ATP10D: variants seen among roughly 807,000 people sequenced by gnomAD.
ATP10D encodes ATPase phospholipid transporting 10D (putative).
A neutral mutation model predicts 144.8 loss-of-function variants in ATP10D; 89 were observed. The ratio of observed to expected loss-of-function variants is 0.61; its 90% CI spans 0.52 to 0.73. The LOEUF (loss-of-function observed/expected upper bound fraction) is 0.73. ATP10D is among the 30% of genes least tolerant of loss of function. The pLI is 0.00. For missense variants in ATP10D, 1,603 were observed against 1,714.8 expected, an observed-to-expected ratio of 0.93 and a Z score of 1.15; for synonymous variants, 571 against 615.1, an observed-to-expected ratio of 0.93 and a Z score of 1.06.
At chr4:47,582,251 A>G (rs1045457971) in intron 21 of ATP10D, among the ~76,000 whole-genome samples, 187 bp downstream of exon 21, 2 of 152,270 alleles carry the variant, frequency 1.3e-5, no homozygotes, top group African/African-American at 4.8e-5. Context: ...GTAGCTGGGG[A>G]TAGTGGAAAA....
intron 1 of ATP10D, among the ~76,000 whole-genome samples, chr4:47,503,327 G>A (rs187334517): frequency 1.4e-4 from 21 of 152,264 alleles, no homozygotes; most frequent in East Asian, 5.8e-4. Context: ...TTTCCCCAAC[G>A]TCAACCACAG....
chr4:47,562,454 T>C (rs1458485310), intron 14 of ATP10D, among the ~76,000 whole-genome samples: 1 of 152,136 alleles, frequency 6.6e-6, no homozygotes, highest in East Asian at 1.9e-4. Context: ...ACATCACTAG[T>C]TATCAGATGC....
intron 1 of ATP10D, among the ~76,000 whole-genome samples, chr4:47,487,157 A>T (rs1714806983): frequency 1.4e-5 from 2 of 141,296 alleles, no homozygotes; most frequent in Non-Finnish European, 3.0e-5. Context: ...TGAGCCCGGG[A>T]GGCGGAGGTT....
In ATP10D at chr4:47,536,925, C is replaced by T; in HGVS notation, c.1383C>T (p.Cys461=). Residue 461 remains cysteine (C), a synonymous_variant, in exon 9 of 23, where the codon TGC becomes TGT. Transcript: ENST00000273859. The part of the protein sequence containing the change: ...RRCSVAGFDY[C]HEENARRLES... Reference sequence around the variant, plus strand: ...GTAGTGTGGCAGGATTTGATTACTGCCATGAAGAAAATGGTGAGTGTTGGA... The same window carrying T: ...GTAGTGTGGCAGGATTTGATTACTGTCATGAAGAAAATGGTGAGTGTTGGA... The T allele has an allele frequency of 3.1e-6, 5 of 1,606,844 alleles. No homozygotes were observed. Among genetic ancestry groups the T allele is most frequent in the Non-Finnish European group, 4.2e-6 (5 of 1,177,534 alleles).
At chr4:47,560,832 C>A in intron 13 of ATP10D, 117 bp from the exon 14 acceptor site, 1 of 1,298,568 alleles carries the variant, frequency 7.7e-7, no homozygotes. Context: ...TGGCTGTGCC[C>A]AGAGGGAGGA....
In ATP10D at chr4:47,546,642, A is replaced by T. The variant is rs551719524; in HGVS notation, c.1415A>T (p.Tyr472Phe). Residue 472 changes from tyrosine (Y) to phenylalanine (F), a missense_variant, in exon 10 of 23, where the codon TAT becomes TTT. Coordinates refer to ENST00000273859, the MANE Select transcript of ATP10D (RefSeq NM_020453.4). ...HEENARRLES[Y>F]QEAVSEDEDF... The stretch of plus-strand genomic sequence containing the variant: ...CCCACAGCCAGGAGGTTGGAGTCCT[A>T]TCAGGAAGCTGTCTCTGAAGATGAA... The T allele has an allele frequency of 5.2e-5, 84 of 1,614,102 alleles. No homozygotes were observed. The highest frequency in any genetic ancestry group is 4.8e-4 in the South Asian group (44 of 91,074).
chr4:47,549,847 T>C (rs1450104116), intron 10 of ATP10D, among the ~76,000 whole-genome samples: 1 of 152,016 alleles, frequency 6.6e-6, no homozygotes, highest in Non-Finnish European at 1.5e-5. Context: ...GAAAGGCATT[T>C]GGAGCTGACA....
intron 15 of ATP10D, among the ~76,000 whole-genome samples, chr4:47,565,531 C>T (rs574422024): frequency 1.3e-5 from 2 of 152,292 alleles, no homozygotes; most frequent in Admixed American, 1.3e-4. Flanking sequence ...TAGGGAGTTA[C>T]TTACCCTCCT....
At chr4:47,498,216 CTT>C (rs1354645366) in intron 1 of ATP10D, among the ~76,000 whole-genome samples, 1 of 152,240 alleles carries the variant, frequency 6.6e-6, no homozygotes, top group Non-Finnish European at 1.5e-5. Flanking sequence ...TTACCTCTCT[CTT>C]GGACAAATGT....
rs776852679 is a variant in ATP10D at position 47,568,915 on chromosome 4, T to C, written c.2932T>C (p.Leu978=). Residue 978 remains leucine, a synonymous_variant, in exon 16 of 23, where the codon TTA becomes CTA. Transcript: ENST00000273859. ...KTQALPEQVS[L]SEDLLQPPVP... ...TCAAGCCCTGCCAGAGCAAGTGTCA[T>C]TAAGTGAAGATTTACTTCAGCCTCC... 2.5e-6 allele frequency: 4 copies of C among 1,614,152 alleles called. No individual in the cohort carries two copies. The highest frequency in any genetic ancestry group is 3.4e-6 in the Non-Finnish European group (4 of 1,180,026).
chr4:47,584,975 A>C (rs1215050015), intron 21 of ATP10D, among the ~76,000 whole-genome samples: 1 of 152,318 alleles, frequency 6.6e-6, no homozygotes, highest in East Asian at 1.9e-4. Flanking sequence ...AAAATAAAAG[A>C]GATTAATAAA....
At chr4:47,568,386 A>G (rs1430886696) in intron 15 of ATP10D, among the ~76,000 whole-genome samples, 1 of 152,248 alleles carries the variant, frequency 6.6e-6, no homozygotes, top group African/African-American at 2.4e-5. Flanking sequence ...GCCATGTGTC[A>G]TGCCTTACAC....
chr4:47,525,720 T>C (rs916328528), intron 5 of ATP10D, 78 bp downstream of exon 5: 24 of 1,199,204 alleles, frequency 2.0e-5, no homozygotes. Context: ...ATAAAGTGTT[T>C]CTGTGCTTAT....
chr4:47,487,523 A>G (rs1022121647), intron 1 of ATP10D, among the ~76,000 whole-genome samples: 1 of 152,238 alleles, frequency 6.6e-6, no homozygotes, highest in African/African-American at 2.4e-5. Flanking sequence ...TCACAGAACA[A>G]TGCACTGATA....
At chr4:47,579,740 A>G (rs1720417429) in intron 19 of ATP10D, among the ~76,000 whole-genome samples, 1 of 152,250 alleles carries the variant, frequency 6.6e-6, no homozygotes, top group Non-Finnish European at 1.5e-5. Flanking sequence ...CTTATAGGTC[A>G]TGAGAAGAAA....
At chr4:47,494,673 A>G (rs1240837076) in intron 1 of ATP10D, among the ~76,000 whole-genome samples, 2 of 151,838 alleles carry the variant, frequency 1.3e-5, no homozygotes, top group African/African-American at 4.8e-5. Flanking sequence ...CTTAATTAGG[A>G]ATTGAAAATT....
chr4:47,500,909 G>T (rs1715649193), intron 1 of ATP10D, among the ~76,000 whole-genome samples: 1 of 152,160 alleles, frequency 6.6e-6, no homozygotes, highest in Non-Finnish European at 1.5e-5. Flanking sequence ...TACATGGCGT[G>T]GAAATGCAGT....
At chr4:47,504,689 A>G (rs1215766862) in intron 1 of ATP10D, among the ~76,000 whole-genome samples, 1 of 152,126 alleles carries the variant, frequency 6.6e-6, no homozygotes, top group South Asian at 2.1e-4. Context: ...CAGCCTCCCA[A>G]GTAGCTGGGA....
At chr4:47,490,806 T>C (rs1043979509) in intron 1 of ATP10D, among the ~76,000 whole-genome samples, 1 of 152,260 alleles carries the variant, frequency 6.6e-6, no homozygotes, top group African/African-American at 2.4e-5. Context: ...AAGTCTCTAA[T>C]GATCCTACTC....
Sources: allele counts gnomAD v4.1 joint callset (sites outside exome capture counted in the v4.1 genomes callset), GRCh38; gene constraint gnomAD v4.1.1; transcripts MANE v1.5; gene names NCBI Gene and HGNC (gene_info 2026-07-23, HGNC 2026-07-21).